The following KCND3 variants were observed in gnomAD, a reference collection of about 807,000 sequenced individuals.
KCND3 encodes A-type voltage-gated potassium channel KCND3.
In KCND3, 9 loss-of-function variants were observed where a neutral mutation model predicts 51.1. The observed-to-expected ratio is 0.18, with a 90% CI of 0.11 to 0.31. The LOEUF (loss-of-function observed/expected upper bound fraction) is 0.31. Ranked by LOEUF, KCND3 falls within the 10% of genes least tolerant of loss-of-function variation. KCND3 has a pLI of 1.00. For missense variants in KCND3, 526 were observed against 903.8 expected, an observed-to-expected ratio of 0.58 and a Z score of 5.36; for synonymous variants, 349 against 368.0, an observed-to-expected ratio of 0.95 and a Z score of 0.59.
intron 2 of KCND3, among the ~76,000 whole-genome samples, chr1:111,925,983 C>T (rs1671679063): frequency 6.6e-6 from 1 of 152,190 alleles, no homozygotes; most frequent in Admixed American, 6.5e-5. Context: ...ACATACTAAT[C>T]ATTTCCATTT....
At chr1:111,958,319 C>T (rs1673443102) in intron 2 of KCND3, among the ~76,000 whole-genome samples, 7 of 152,214 alleles carry the variant, frequency 4.6e-5, no homozygotes, top group Admixed American at 4.6e-4. Flanking sequence ...CTCCCCCAAA[C>T]CCTGCAGGAC....
intron 2 of KCND3, among the ~76,000 whole-genome samples, chr1:111,890,406 G>T (rs1041869830): frequency 1.3e-5 from 2 of 152,182 alleles, no homozygotes; most frequent in East Asian, 3.8e-4. Context: ...GAAGGATGGA[G>T]TTCTCCATCA....
intron 2 of KCND3, among the ~76,000 whole-genome samples, chr1:111,835,392 G>A (rs1462923234): frequency 6.6e-6 from 1 of 152,194 alleles, no homozygotes; most frequent in Non-Finnish European, 1.5e-5. Context: ...ATCTTTAACA[G>A]GGGTTGCGTA....
intron 2 of KCND3, among the ~76,000 whole-genome samples, chr1:111,862,847 T>A (rs1028682834): frequency 6.6e-5 from 10 of 152,230 alleles, no homozygotes; most frequent in Admixed American, 2.0e-4. Flanking sequence ...CAGACCTTAG[T>A]TAACCTTCAC....
At chr1:111,817,842 G>A (rs1666166897) in intron 2 of KCND3, among the ~76,000 whole-genome samples, 1 of 152,202 alleles carries the variant, frequency 6.6e-6, no homozygotes, top group Non-Finnish European at 1.5e-5. Context: ...GTGCAAAGCA[G>A]CCACTGTGCA....
intron 2 of KCND3, among the ~76,000 whole-genome samples, chr1:111,934,162 C>A (rs1216936120): frequency 6.6e-6 from 1 of 152,158 alleles, no homozygotes; most frequent in Non-Finnish European, 1.5e-5. Flanking sequence ...GCTGTCTCCT[C>A]ACCTGTAAAA....
chr1:111,821,785 G>T (rs1666360432), intron 2 of KCND3, among the ~76,000 whole-genome samples: 2 of 152,166 alleles, frequency 1.3e-5, no homozygotes, highest in African/African-American at 4.8e-5. Flanking sequence ...GGGGCCAGGG[G>T]GACAGTCCCT....
At chr1:111,976,843 G>A (rs1674658161) in intron 2 of KCND3, among the ~76,000 whole-genome samples, 1 of 152,194 alleles carries the variant, frequency 6.6e-6, no homozygotes, top group African/African-American at 2.4e-5. Flanking sequence ...AATTCATGTT[G>A]CCTGTTCCTT....
At chr1:111,852,421 CT>C (rs1667861193) in intron 2 of KCND3, among the ~76,000 whole-genome samples, 1 of 152,262 alleles carries the variant, frequency 6.6e-6, no homozygotes. Flanking sequence ...GCTGTGCATG[CT>C]GGCAACAGGC....
In KCND3 at chr1:111,784,103, TCACACACACA is replaced by T. The variant is rs369429634; in HGVS notation, c.1269+2831_1269+2840del. On this transcript the variant is annotated intron_variant, in intron 3 of 7. Transcript: ENST00000302127. ...CCGTGGCAGTGGATGCATTAACTTA[TCACACACACA>T]CACACACACACACACACACACACAC... is the stretch of plus-strand genomic sequence containing the variant. Among the ~76,000 whole-genome samples the T allele has an allele frequency of 8.0e-4, 94 of 117,562 alleles. 1 individual carries two copies. Among genetic ancestry groups the T allele is most frequent in the African/African-American group, 2.6e-3 (91 of 34,494 alleles). 77.1% of individuals were successfully genotyped at this position (117,562 alleles called of 152,430 possible).
At chr1:111,843,872 CTGGGAATGGAGCT>C (rs1667436663) in intron 2 of KCND3, among the ~76,000 whole-genome samples, 1 of 152,114 alleles carries the variant, frequency 6.6e-6, no homozygotes, top group South Asian at 2.1e-4. Context: ...AAAATGGGGT[CTGGGAATGGAGCT>C]TGGTGGGTAG....
intron 2 of KCND3, among the ~76,000 whole-genome samples, chr1:111,827,819 C>A (rs1666646931): frequency 6.6e-6 from 1 of 152,130 alleles, no homozygotes; most frequent in South Asian, 2.1e-4. Context: ...CTCCAGGATA[C>A]CCTGATGACC....
intron 2 of KCND3, among the ~76,000 whole-genome samples, chr1:111,928,079 C>G (rs958158435): frequency 6.6e-6 from 1 of 152,168 alleles, no homozygotes; most frequent in Non-Finnish European, 1.5e-5. Context: ...CACTTACCAC[C>G]ACTGACTTTT....
intron 2 of KCND3, among the ~76,000 whole-genome samples, chr1:111,968,559 C>A (rs929444068): frequency 6.6e-6 from 1 of 152,202 alleles, no homozygotes; most frequent in Non-Finnish European, 1.5e-5. Context: ...TGAGGCAATG[C>A]CTGTCCTGTT....
At chr1:111,937,940 C>T (rs1672301552) in intron 2 of KCND3, among the ~76,000 whole-genome samples, 1 of 152,222 alleles carries the variant, frequency 6.6e-6, no homozygotes, top group Non-Finnish European at 1.5e-5. Context: ...CACTCTCCCA[C>T]TCAACCTTCA....
At chr1:111,790,404 G>A (rs1349412687) in intron 2 of KCND3, among the ~76,000 whole-genome samples, 5 of 152,152 alleles carry the variant, frequency 3.3e-5, no homozygotes, top group African/African-American at 9.7e-5. Flanking sequence ...CACCCCAATA[G>A]GAACTGTGTC....
intron 6 of KCND3, 39 bp downstream of exon 6, chr1:111,778,397 A>C (rs1449091275): frequency 6.4e-7 from 1 of 1,569,606 alleles, no homozygotes; most frequent in Non-Finnish European, 8.8e-7. Flanking sequence ...CAGAATTATC[A>C]GAGAGAAAAA....
chr1:111,889,131 T>C (rs1319904021), intron 2 of KCND3, among the ~76,000 whole-genome samples: 1 of 152,216 alleles, frequency 6.6e-6, no homozygotes, highest in African/African-American at 2.4e-5. Flanking sequence ...GGGTTCACTG[T>C]ATTGTTTTCA....
At chr1:111,822,959 T>G (rs1666416497) in intron 2 of KCND3, among the ~76,000 whole-genome samples, 1 of 152,182 alleles carries the variant, frequency 6.6e-6, no homozygotes, top group African/African-American at 2.4e-5. Context: ...TTCCATATGA[T>G]GGGAAATTCA....
Sources: allele counts gnomAD v4.1 joint callset (sites outside exome capture counted in the v4.1 genomes callset), GRCh38; gene constraint gnomAD v4.1.1; transcripts MANE v1.5; gene names NCBI Gene and HGNC (gene_info 2026-07-23, HGNC 2026-07-21).